The following PEBP4 variants were observed in gnomAD, a reference collection of about 807,000 sequenced individuals.
PEBP4 encodes phosphatidylethanolamine binding protein 4.
In PEBP4, 22 loss-of-function variants were observed where a neutral mutation model predicts 23.9. The observed-to-expected ratio is 0.92, with a 90% CI of 0.66 to 1.31. The LOEUF is 1.31. Ranked by LOEUF, PEBP4 falls within the 40% of genes most tolerant of loss-of-function variation. PEBP4 has a pLI of 0.00. For synonymous variants in PEBP4, 112 were observed against 99.3 expected (o/e 1.13, Z -0.76); for missense variants, 324 against 281.7 (o/e 1.15, Z -1.07).
intron 3 of PEBP4, among the ~76,000 whole-genome samples, chr8:22,842,063 T>C (rs909807550): frequency 1.3e-5 from 2 of 152,240 alleles, no homozygotes; most frequent in African/African-American, 4.8e-5. Context: ...AAACACAGTC[T>C]TGGTTATCAA....
intron 3 of PEBP4, chr8:22,885,271 G>A (rs954867613): frequency 2.0e-5 from 3 of 152,130 alleles, no homozygotes; most frequent in Admixed American, 2.0e-4. Context: ...TCATGAGATG[G>A]TTTCTCTTAT....
At chr8:22,765,192 G>T (rs1391745493) in intron 4 of PEBP4, among the ~76,000 whole-genome samples, 1 of 151,152 alleles carries the variant, frequency 6.6e-6, no homozygotes, top group Non-Finnish European at 1.5e-5. Flanking sequence ...CGTCCAGGTA[G>T]GAGAGCAATG....
upstream of PEBP4, among the ~76,000 whole-genome samples, chr8:22,932,062 G>C (rs1230327443): frequency 2.0e-5 from 3 of 152,210 alleles, no homozygotes; most frequent in East Asian, 3.8e-4. Context: ...TCAGTATCCT[G>C]TGCCTTCTAC....
chr8:22,925,027 A>T, intron 2 of PEBP4: 5 of 985,374 alleles, frequency 5.1e-6, no homozygotes, highest in Non-Finnish European at 4.8e-6. Context: ...TGCCAAGGTC[A>T]GAGCCTGAGC....
At chr8:22,893,968 G>A (rs1020846106) in intron 3 of PEBP4, among the ~76,000 whole-genome samples, 2 of 152,088 alleles carry the variant, frequency 1.3e-5, no homozygotes, top group Non-Finnish European at 2.9e-5. Context: ...CCAAAGAAAT[G>A]CCAAGCACAA....
At chr8:22,838,818 T>C (rs1807263963) in intron 3 of PEBP4, among the ~76,000 whole-genome samples, 1 of 152,270 alleles carries the variant, frequency 6.6e-6, no homozygotes, top group Admixed American at 6.5e-5. Context: ...ACGTGGCTGA[T>C]GGCTGTGTTT....
intron 4 of PEBP4, among the ~76,000 whole-genome samples, chr8:22,803,853 C>T (rs916780833): frequency 7.2e-5 from 11 of 152,136 alleles, no homozygotes; most frequent in Non-Finnish European, 1.5e-4. Context: ...TCACCCTCCA[C>T]GTCTAATTCA....
At chr8:22,724,777 G>T in intron 6 of PEBP4, 66 bp downstream of exon 6, 1 of 1,262,082 alleles carries the variant, frequency 7.9e-7, no homozygotes, top group South Asian at 1.2e-5. Flanking sequence ...CCCCGTAAAT[G>T]CCTGAAGCGT....
At chr8:22,886,591 G>A (rs1808381070) in intron 3 of PEBP4, 1 of 152,312 alleles carries the variant, frequency 6.6e-6, no homozygotes, top group African/African-American at 2.4e-5. Context: ...GAGCCATGCA[G>A]GACCCTGCCA....
At chr8:22,915,534 G>A (rs1030492312) in intron 3 of PEBP4, among the ~76,000 whole-genome samples, 9 of 152,090 alleles carry the variant, frequency 5.9e-5, no homozygotes, top group South Asian at 2.1e-4. Context: ...TGCAAGCTCC[G>A]TGATAGTGTC....
intron 4 of PEBP4, among the ~76,000 whole-genome samples, chr8:22,806,309 C>T (rs1371229309): frequency 6.6e-6 from 1 of 152,156 alleles, no homozygotes; most frequent in African/African-American, 2.4e-5. Flanking sequence ...GGTGAGCATG[C>T]TATCCATAAA....
rs535914284 is a variant in PEBP4, at chr8:22,805,419, C to T, written c.357+12218G>A. ...TTGGCTCACCACAACCTCCGTCTCC[C>T]GGGTTCAAGCGATTCTCCTGCCTCA... is the stretch of plus-strand genomic sequence containing the variant. On this transcript the variant is annotated intron_variant, in intron 4 of 6. Coordinates refer to ENST00000256404, the MANE Select transcript of PEBP4 (RefSeq NM_144962.3). Among the ~76,000 whole-genome samples, 25 of 152,350 alleles carry T rather than the reference C, an allele frequency of 1.6e-4. 1 individual carries two copies. Among genetic ancestry groups the T allele is most frequent in the African/African-American group, 5.5e-4 (23 of 41,592 alleles).
chr8:22,853,939 C>G (rs1261528617), intron 3 of PEBP4, among the ~76,000 whole-genome samples: 1 of 152,186 alleles, frequency 6.6e-6, no homozygotes, highest in Non-Finnish European at 1.5e-5. Context: ...GGCCACAGAT[C>G]CTAGTTAGCA....
intron 4 of PEBP4, among the ~76,000 whole-genome samples, chr8:22,810,790 G>T (rs1290853946): frequency 1.3e-5 from 2 of 150,292 alleles, no homozygotes; most frequent in Non-Finnish European, 3.0e-5. Flanking sequence ...GGCAGAATTG[G>T]TTTCCATAAC....
intron 4 of PEBP4, among the ~76,000 whole-genome samples, chr8:22,811,147 A>G (rs996135976): frequency 6.6e-6 from 1 of 152,028 alleles, no homozygotes; most frequent in Non-Finnish European, 1.5e-5. Context: ...AATATGATAA[A>G]CTCATTTCCA....
chr8:22,763,471 A>G (rs976279608), intron 4 of PEBP4, among the ~76,000 whole-genome samples: 1 of 152,190 alleles, frequency 6.6e-6, no homozygotes, highest in Non-Finnish European at 1.5e-5. Context: ...ACGAGCAGTG[A>G]ATGCTGGCCC....
intron 3 of PEBP4, among the ~76,000 whole-genome samples, chr8:22,829,578 A>G (rs1448234001): frequency 1.3e-5 from 2 of 151,926 alleles, no homozygotes; most frequent in Admixed American, 6.5e-5. Context: ...CTCCTCTCCC[A>G]TTGTCTTAGT....
At chr8:22,854,403 T>C (rs1807599897) in intron 3 of PEBP4, among the ~76,000 whole-genome samples, 1 of 152,176 alleles carries the variant, frequency 6.6e-6, no homozygotes. Flanking sequence ...ACAACATGCA[T>C]ACACAATAGT....
upstream of PEBP4, among the ~76,000 whole-genome samples, chr8:22,928,603 T>G (rs1028200237): frequency 2.0e-5 from 3 of 151,880 alleles, no homozygotes; most frequent in Admixed American, 6.6e-5. Flanking sequence ...GGTTTGAGCC[T>G]GAGTGGGCAG....
Sources: gnomAD v4.1 joint callset for allele counts (sites outside exome capture counted in the v4.1 genomes callset) on GRCh38, gnomAD v4.1.1 for gene constraint, MANE v1.5 for transcripts, NCBI Gene and HGNC (gene_info 2026-07-23, HGNC 2026-07-21) for gene names.